The following ATL3 variants were observed in gnomAD, a reference collection of about 807,000 sequenced individuals.
ATL3 encodes atlastin GTPase 3.
A neutral mutation model predicts 69.5 loss-of-function variants in ATL3; 49 were observed. That is an observed-to-expected ratio of 0.71 (90% confidence interval 0.56 to 0.89). The LOEUF (loss-of-function observed/expected upper bound fraction) is 0.89, where lower values mean the gene tolerates loss of function less well. Ranked by LOEUF, ATL3 falls within the 40% of genes least tolerant of loss-of-function variation. ATL3 has a pLI of 0.00. For missense variants in ATL3, 606 were observed against 645.7 expected (o/e 0.94, Z 0.67); for synonymous variants, 214 against 224.1 (o/e 0.95, Z 0.40).
chr11:63,640,180 G>A (rs560504745), intron 8 of ATL3, among the ~76,000 whole-genome samples: 1 of 152,132 alleles, frequency 6.6e-6, no homozygotes, highest in South Asian at 2.1e-4. Context: ...TGCCTGCCTC[G>A]GCCTCCCAAA....
intron 5 of ATL3, among the ~76,000 whole-genome samples, chr11:63,650,319 A>G (rs1193444670): frequency 6.6e-6 from 1 of 152,136 alleles, no homozygotes; most frequent in Non-Finnish European, 1.5e-5. Flanking sequence ...GAAGTGCTCC[A>G]TATAGATCTT....
intron 5 of ATL3, among the ~76,000 whole-genome samples, chr11:63,649,822 A>T (rs1289085590): frequency 6.6e-6 from 1 of 152,130 alleles, no homozygotes; most frequent in Non-Finnish European, 1.5e-5. Flanking sequence ...TTTCTAATTT[A>T]TCTAAATACA....
rs1253324493 is a variant in ATL3 at position 63,655,567 on chromosome 11, C to T, written c.406-2992G>A. Among the ~76,000 whole-genome samples, 3 of 151,864 alleles carry T rather than the reference C, an allele frequency of 2.0e-5. No individual in the cohort carries two copies. In the East Asian group the frequency reaches 5.8e-4, roughly 29 times the overall value. On this transcript the variant is annotated intron_variant, in intron 3 of 12. Transcript: ENST00000398868. ...GGTTCCAGCGATTCTCCCACCTCAG[C>T]CTCCCAAGTAGCTGGGATTACAGGC...
intron 11 of ATL3, chr11:63,632,325 G>T: frequency 1.2e-6 from 1 of 815,346 alleles, no homozygotes; most frequent in Non-Finnish European, 2.2e-6. Context: ...GTGTTGTCAT[G>T]TGTTCTGGAC....
intron 8 of ATL3, among the ~76,000 whole-genome samples, chr11:63,640,844 C>T (rs1359781376): frequency 1.3e-5 from 2 of 151,990 alleles, no homozygotes; most frequent in South Asian, 2.1e-4. Context: ...TCAGGTGATT[C>T]GTCCACCTTG....
rs116449290 is a variant in ATL3 at position 63,665,463 on chromosome 11, C to T, written c.46+5827G>A. 5.3e-3 allele frequency among the ~76,000 whole-genome samples: 804 copies of T among 152,204 alleles called. 7 individuals are homozygous for T. The highest frequency in any genetic ancestry group is 0.018 in the African/African-American group (729 of 41,548). On this transcript the variant is annotated intron_variant, in intron 1 of 12. Transcript: ENST00000398868. ...GAAAAGTCCTTACTCATCTCTTCCT[C>T]TCCCTGTAGCACGGTACCCAAGAAT...
Position 63,635,531 on chromosome 11 carries a change from T to A in ATL3, c.1035+3A>T, listed in dbSNP as rs558698105. On this transcript the variant is annotated splice_donor_region_variant and intron_variant, in intron 10 of 12. Coordinates refer to ENST00000398868, the MANE Select transcript of ATL3 (RefSeq NM_015459.5). ...GCGTTTAGGATGTCAAATCATTGTT[T>A]ACCTGAAGCATGGACTTGGGGTGAG... The A allele has an allele frequency of 6.2e-7, 1 of 1,611,186 alleles. No individual in the cohort carries two copies. Among genetic ancestry groups the A allele is most frequent in the African/African-American group, 1.3e-5 (1 of 75,002 alleles).
At chr11:63,667,721 G>A (rs944487219) in intron 1 of ATL3, among the ~76,000 whole-genome samples, 4 of 148,622 alleles carry the variant, frequency 2.7e-5, no homozygotes, top group African/African-American at 1.0e-4. Context: ...CTGAGATCGC[G>A]CCATTGCACT....
Position 63,631,233 on chromosome 11 carries a change from G to A in ATL3, c.1346C>T (p.Thr449Met), listed in dbSNP as rs775539106. 48 of 1,614,090 alleles carry A rather than the reference G, an allele frequency of 3.0e-5. No homozygotes were observed. Among genetic ancestry groups the A allele is most frequent in the African/African-American group, 4.0e-5 (3 of 74,928 alleles). Reference sequence around the variant, plus strand: ...GGCTATGTACAAAGCTACAATGCCCGTGAACAGCACTGCAGGGGTTCGGAA... The same window carrying A: ...GGCTATGTACAAAGCTACAATGCCCATGAACAGCACTGCAGGGGTTCGGAA... The part of the protein sequence containing the change: ...STFRTPAVLF[T>M]GIVALYIASG... Residue 449 changes from threonine to methionine, a missense_variant, in exon 12 of 13, where the codon ACG becomes ATG. Physicochemically the swap from Thr to Met is moderately conservative, Grantham distance 81. Coordinates refer to ENST00000398868, the MANE Select transcript of ATL3 (RefSeq NM_015459.5).
intron 8 of ATL3, among the ~76,000 whole-genome samples, chr11:63,639,100 T>A (rs2134478946): frequency 6.6e-6 from 1 of 152,344 alleles, no homozygotes; most frequent in Non-Finnish European, 1.5e-5. Context: ...CCTACCCTTT[T>A]TTTTAAATTC....
rs1278749058 is a variant in ATL3, at chr11:63,659,216, T to G, written c.83A>C (p.Gln28Pro). The change falls in exon 2 of 13, where the codon CAG becomes CCG. Residue 28 changes from glutamine to proline, a missense_variant. By Grantham distance (76) the Gln-to-Pro change is moderately conservative. Coordinates refer to ENST00000398868, the MANE Select transcript of ATL3 (RefSeq NM_015459.5). ...AMESSKPGPV[Q>P]VVLVQKDQHS... ...TTGATCTTTCTGAACCAAAACAACCTGCACTGGACCAGGCTTGCTGCTCTC... is the reference window on the plus strand; with the variant it reads ...TTGATCTTTCTGAACCAAAACAACCGGCACTGGACCAGGCTTGCTGCTCTC... 3 of 1,614,150 alleles carry G rather than the reference T, an allele frequency of 1.9e-6. No individual in the cohort carries two copies. Among genetic ancestry groups the G allele is most frequent in the Non-Finnish European group, 1.7e-6 (2 of 1,180,018 alleles).
At position 63,631,026 on chromosome 11, in the gene ATL3, G is replaced by A. The variant is rs766690357; in HGVS notation, c.1539+14C>T. 5 of 1,191,724 alleles carry A rather than the reference G, an allele frequency of 4.2e-6. No homozygotes were observed. In the Admixed American group the frequency reaches 8.1e-5, roughly 19 times the overall value. 73.8% of individuals were successfully genotyped at this position (1,191,724 alleles called of 1,614,324 possible). A position where few individuals can be genotyped will look rare whatever the true frequency, so the allele number is the denominator to read the frequency against. ...CCATTATCAACCCTCAGGCTCTTCA[G>A]CAGCACCACTTACCTGCTCCAACAC... On this transcript the variant is annotated intron_variant, in intron 12 of 12. Coordinates refer to ENST00000398868, the MANE Select transcript of ATL3 (RefSeq NM_015459.5).
At chr11:63,658,948 T>G (rs746172649) in intron 2 of ATL3, 44 bp from the exon 3 acceptor site, 4 of 1,580,952 alleles carry the variant, frequency 2.5e-6, no homozygotes, top group Non-Finnish European at 3.4e-6. Flanking sequence ...ATTAAAAATT[T>G]TATGCATCAA....
At chr11:63,652,704 C>T (rs1368552470) in intron 3 of ATL3, 129 bp from the exon 4 acceptor site, 3 of 552,482 alleles carry the variant, frequency 5.4e-6, no homozygotes, top group Non-Finnish European at 9.5e-6. Flanking sequence ...TAAGCACCTG[C>T]TTGTAGGTTC....
intron 11 of ATL3, chr11:63,632,700 G>A: frequency 1.6e-6 from 2 of 1,264,060 alleles, no homozygotes; most frequent in Non-Finnish European, 2.3e-6. Context: ...CAGCCTTAAT[G>A]GCCACAGATT....
At chr11:63,644,065 T>G in intron 7 of ATL3, 104 bp downstream of exon 7, 1 of 732,820 alleles carries the variant, frequency 1.4e-6, no homozygotes, top group Non-Finnish European at 2.3e-6. Flanking sequence ...GTTAATGTAT[T>G]CAATATCATT....
At chr11:63,670,456 C>T (rs535642031) in intron 1 of ATL3, 1 of 152,308 alleles carries the variant, frequency 6.6e-6, no homozygotes, top group East Asian at 1.9e-4. Context: ...TGTTCTTTTC[C>T]TTTTTGCTCT....
chr11:63,666,898 T>C (rs532342951), intron 1 of ATL3, among the ~76,000 whole-genome samples: 1 of 152,326 alleles, frequency 6.6e-6, no homozygotes, highest in Admixed American at 6.5e-5. Flanking sequence ...AACGTGATGT[T>C]TTTGCACAGA....
upstream of ATL3, chr11:63,671,802 C>T: frequency 1.8e-6 from 2 of 1,111,550 alleles, no homozygotes; most frequent in East Asian, 9.8e-5. Context: ...AAGGGGCGGG[C>T]TGGCTCGGGT....
Sources: gnomAD v4.1 joint callset for allele counts (sites outside exome capture counted in the v4.1 genomes callset) on GRCh38, gnomAD v4.1.1 for gene constraint, MANE v1.5 for transcripts, NCBI Gene and HGNC (gene_info 2026-07-23, HGNC 2026-07-21) for gene names.